Variants in CSRNP3 observed in about 807,000 individuals in gnomAD.
CSRNP3 encodes the protein cysteine/serine-rich nuclear protein 3.
CSRNP3 carries 12 observed loss-of-function variants against 48.0 expected under a neutral mutation model. The ratio of observed to expected loss-of-function variants is 0.25; its 90% CI spans 0.16 to 0.41. CSRNP3 has a LOEUF of 0.41. CSRNP3 is among the 10% of genes least tolerant of loss of function. The probability of loss-of-function intolerance (pLI) is 1.00; values close to 1 mark genes in which losing one functional copy is unlikely to be tolerated. For synonymous variants in CSRNP3, 263 were observed against 269.7 expected (o/e 0.98, Z 0.24); for missense variants, 580 against 724.4 (o/e 0.80, Z 2.29).
At chr2:165,513,308 G>C (rs996240640) in intron 2 of CSRNP3, among the ~76,000 whole-genome samples, 1 of 152,156 alleles carries the variant, frequency 6.6e-6, no homozygotes, top group Non-Finnish European at 1.5e-5. Flanking sequence ...GAATTTACAA[G>C]TTTTATTATC....
chr2:165,527,298 C>A (rs1262441420), intron 3 of CSRNP3, among the ~76,000 whole-genome samples: 1 of 150,488 alleles, frequency 6.6e-6, no homozygotes, highest in Non-Finnish European at 1.5e-5. Context: ...GCTCTGCCTC[C>A]CAGGTTCACA....
intron 3 of CSRNP3, among the ~76,000 whole-genome samples, chr2:165,553,662 A>G (rs1685127296): frequency 6.6e-6 from 1 of 152,184 alleles, no homozygotes; most frequent in Admixed American, 6.5e-5. Context: ...AAAGCAGAAT[A>G]GAACTTCCAT....
chr2:165,587,720 T>C (rs1574850783), intron 3 of CSRNP3, among the ~76,000 whole-genome samples: 2 of 152,202 alleles, frequency 1.3e-5, no homozygotes, highest in East Asian at 3.8e-4. Flanking sequence ...ACAGAAGTCT[T>C]TTGCTTAAGT....
chr2:165,492,667 CTTA>C (rs1558915604), intron 1 of CSRNP3, among the ~76,000 whole-genome samples: 1 of 139,464 alleles, frequency 7.2e-6, no homozygotes, highest in African/African-American at 2.7e-5. Flanking sequence ...ATATTTTCTT[CTTA>C]TTATTTGTCT....
intron 4 of CSRNP3, among the ~76,000 whole-genome samples, chr2:165,605,614 A>G (rs148483890): frequency 0.01 from 1,597 of 152,254 alleles, 28 homozygotes; most frequent in African/African-American, 0.036. Flanking sequence ...TCCACAATAC[A>G]TTTTAAAAAT....
At chr2:165,519,267 C>A (rs533822123) in intron 3 of CSRNP3, among the ~76,000 whole-genome samples, 1 of 142,598 alleles carries the variant, frequency 7.0e-6, no homozygotes, top group Admixed American at 6.9e-5. Context: ...GGTGGCATTG[C>A]CTACATTTTT....
At chr2:165,545,013 T>A (rs1574831005) in intron 3 of CSRNP3, among the ~76,000 whole-genome samples, 1 of 152,078 alleles carries the variant, frequency 6.6e-6, no homozygotes, top group Non-Finnish European at 1.5e-5. Flanking sequence ...ATGGGTAGTA[T>A]GGGCCACAAA....
chr2:165,570,943 A>G (rs1389565273), intron 3 of CSRNP3, among the ~76,000 whole-genome samples: 1 of 151,978 alleles, frequency 6.6e-6, no homozygotes, highest in Non-Finnish European at 1.5e-5. Flanking sequence ...AAATAATATC[A>G]TAAAGAAAGG....
intron 4 of CSRNP3, among the ~76,000 whole-genome samples, chr2:165,605,207 C>T (rs1014310291): frequency 2.6e-5 from 4 of 152,092 alleles, no homozygotes; most frequent in African/African-American, 4.8e-5. Context: ...GTACTCCCTT[C>T]CTATGCTTGA....
intron 4 of CSRNP3, among the ~76,000 whole-genome samples, chr2:165,636,936 G>A (rs1686637777): frequency 6.6e-6 from 1 of 152,102 alleles, no homozygotes; most frequent in Non-Finnish European, 1.5e-5. Flanking sequence ...TGACCTCTAT[G>A]GAAGACAACC....
intron 2 of CSRNP3, among the ~76,000 whole-genome samples, chr2:165,506,513 C>T (rs1227078134): frequency 1.3e-5 from 2 of 152,068 alleles, no homozygotes; most frequent in Non-Finnish European, 2.9e-5. Context: ...TATTCATAGC[C>T]CCCATGCAAC....
chr2:165,526,929 G>T lies in CSRNP3; in HGVS notation c.-24+8968G>T, dbSNP rs555290132. Among the ~76,000 whole-genome samples, 5 of 152,180 alleles carry T rather than the reference G, an allele frequency of 3.3e-5. No individual in the cohort carries two copies. In the East Asian group the frequency reaches 9.7e-4, roughly 29 times the overall value. ...CTTAGGAATTCCAAATATAAAAAAA[G>T]ATTAAGGCAATAATTATAAACACAA... is the stretch of plus-strand genomic sequence containing the variant. On this transcript the variant is annotated intron_variant, in intron 3 of 6. Coordinates refer to ENST00000651982, the MANE Select transcript of CSRNP3 (RefSeq NM_001172173.2).
At chr2:165,517,658 G>T (rs1684598989) in intron 2 of CSRNP3, among the ~76,000 whole-genome samples, 1 of 151,806 alleles carries the variant, frequency 6.6e-6, no homozygotes, top group African/African-American at 2.4e-5. Flanking sequence ...ACTATGTATG[G>T]ATCATTAGAA....
intron 1 of CSRNP3, among the ~76,000 whole-genome samples, chr2:165,477,497 TA>T (rs1313852485): frequency 1.7e-5 from 2 of 119,626 alleles, no homozygotes; most frequent in African/African-American, 3.3e-5. Context: ...TATATATATA[TA>T]ATACAAATAT....
At chr2:165,520,783 T>TATACA (rs1491513009) in intron 3 of CSRNP3, among the ~76,000 whole-genome samples, 3 of 29,728 alleles carry the variant, frequency 1.0e-4, no homozygotes, top group African/African-American at 2.6e-4. Context: ...TATATATATA[T>TATACA]TATATATATA....
chr2:165,599,458 T>A (rs1047959954), intron 4 of CSRNP3, among the ~76,000 whole-genome samples: 2 of 152,030 alleles, frequency 1.3e-5, no homozygotes, highest in East Asian at 3.9e-4. Context: ...CCAGGCCAAT[T>A]CTTGTATTTT....
intron 1 of CSRNP3, among the ~76,000 whole-genome samples, chr2:165,494,166 C>T (rs1185576491): frequency 6.6e-6 from 1 of 152,116 alleles, no homozygotes; most frequent in African/African-American, 2.4e-5. Context: ...ATCTCCTTGA[C>T]ATAGGACTCA....
At chr2:165,591,468 A>G (rs1685716392) in intron 3 of CSRNP3, among the ~76,000 whole-genome samples, 2 of 152,192 alleles carry the variant, frequency 1.3e-5, no homozygotes, top group African/African-American at 2.4e-5. Context: ...TCACCAAGAC[A>G]ATGGGGAGAA....
intron 2 of CSRNP3, among the ~76,000 whole-genome samples, chr2:165,504,101 A>G (rs1574808834): frequency 6.6e-6 from 1 of 152,062 alleles, no homozygotes; most frequent in Non-Finnish European, 1.5e-5. Context: ...ATTTCACATG[A>G]GTATCTAATT....
Sources: gnomAD v4.1 joint callset for allele counts (sites outside exome capture counted in the v4.1 genomes callset) on GRCh38, gnomAD v4.1.1 for gene constraint, MANE v1.5 for transcripts, NCBI Gene and HGNC (gene_info 2026-07-23, HGNC 2026-07-21) for gene names.